The following ZNF207 variants were observed in gnomAD, a reference collection of about 807,000 sequenced individuals.
The protein encoded by ZNF207 is zinc finger protein 207, also known as BUB3-interacting and GLEBS motif-containing protein ZNF207.
In ZNF207, 24 loss-of-function variants were observed where a neutral mutation model predicts 60.2. The observed-to-expected ratio is 0.40, with a 90% CI of 0.29 to 0.56. ZNF207 has a LOEUF of 0.56. Among genes scored for constraint, ZNF207 ranks in the 20% least tolerant of loss-of-function variants. The probability of loss-of-function intolerance (pLI) is 0.49; values close to 1 mark genes in which losing one functional copy is unlikely to be tolerated. For missense variants in ZNF207, 452 were observed against 636.6 expected, an observed-to-expected ratio of 0.71 and a Z score of 3.12; for synonymous variants, 236 against 194.7, an observed-to-expected ratio of 1.21 and a Z score of -1.77.
intron 2 of ZNF207, among the ~76,000 whole-genome samples, chr17:32,355,426 A>C (rs1048111355): frequency 6.6e-6 from 1 of 152,174 alleles, no homozygotes; most frequent in Non-Finnish European, 1.5e-5. Context: ...GAGATGTGAA[A>C]AGCTACAGGG....
In ZNF207 at chr17:32,363,529, C is replaced by CTTTTTTTTTTT. The variant is rs746944466; in HGVS notation, c.670+563_670+573dup. The stretch of plus-strand genomic sequence containing the variant: ...ACAAGTAATAGAGAAATCCAACAAA[C>CTTTTTTTTTTT]TTTTTTTTTTTTTTTTTTTTTTTTT... On this transcript the variant is annotated intron_variant, in intron 7 of 11. Coordinates refer to ENST00000394670, the MANE Select transcript of ZNF207 (RefSeq NM_001098507.2). Among the ~76,000 whole-genome samples, 634 of 69,610 alleles carry CTTTTTTTTTTT rather than the reference C, an allele frequency of 9.1e-3. 140 individuals are homozygous for CTTTTTTTTTTT. The highest frequency in any genetic ancestry group is 0.014 in the Middle Eastern group (1 of 74). 45.7% of individuals were successfully genotyped at this position (69,610 alleles called of 152,430 possible).
At chr17:32,360,327 A>C (rs1359927375) in intron 3 of ZNF207, among the ~76,000 whole-genome samples, 1 of 152,126 alleles carries the variant, frequency 6.6e-6, no homozygotes, top group African/African-American at 2.4e-5. Flanking sequence ...TACAGCCTGC[A>C]TCGCAGAGCA....
In ZNF207 at chr17:32,376,232, T is replaced by C. The variant is rs1160089281; in HGVS notation, c.*6473T>C. The C allele has an allele frequency of 1.3e-5, 2 of 152,056 alleles. No individual in the cohort carries two copies. Among genetic ancestry groups the C allele is most frequent in the Admixed American group, 6.6e-5 (1 of 15,260 alleles). The allele number at this position is 152,056 out of a possible 1,614,324, so 9.4% of individuals were successfully genotyped here. A position where few individuals can be genotyped will look rare whatever the true frequency, so the allele number is the denominator to read the frequency against. Reference sequence around the variant, plus strand: ...TTCAGTTTGCGCTTCCCAATAACTTTAAATATATCCACCTTTTCCAAGTGT... The same window carrying C: ...TTCAGTTTGCGCTTCCCAATAACTTCAAATATATCCACCTTTTCCAAGTGT... On this transcript the variant is annotated 3_prime_UTR_variant, in exon 12 of 12. Transcript: ENST00000394670.
intron 3 of ZNF207, among the ~76,000 whole-genome samples, chr17:32,359,277 T>C (rs1315741261): frequency 2.6e-5 from 4 of 151,954 alleles, no homozygotes; most frequent in African/African-American, 9.7e-5. Context: ...CACACCTGGC[T>C]AATTTTTGTG....
At position 32,374,877 on chromosome 17, in the gene ZNF207, C is replaced by A. The variant is rs1355680404; in HGVS notation, c.*5118C>A. ...TTCAGCCTCACTGAACAGTGTTTTACGCACATGTGAAAAGTATCCACATTT... is the reference window on the plus strand; with the variant it reads ...TTCAGCCTCACTGAACAGTGTTTTAAGCACATGTGAAAAGTATCCACATTT... On this transcript the variant is annotated 3_prime_UTR_variant, in exon 12 of 12. Transcript: ENST00000394670. 3.3e-5 allele frequency: 5 copies of A among 152,300 alleles called. No homozygotes were observed. The East Asian group carries it at 9.6e-4, about 29-fold the overall frequency. 9.4% of individuals were successfully genotyped at this position (152,300 alleles called of 1,614,324 possible).
At chr17:32,355,338 G>C (rs958918056) in intron 2 of ZNF207, among the ~76,000 whole-genome samples, 10 of 152,184 alleles carry the variant, frequency 6.6e-5, no homozygotes, top group Admixed American at 3.3e-4. Flanking sequence ...GCAGTGAGCC[G>C]TGATAGCACT....
intron 2 of ZNF207, among the ~76,000 whole-genome samples, chr17:32,357,319 T>C (rs1485220379): frequency 1.7e-3 from 104 of 60,106 alleles, no homozygotes; most frequent in African/African-American, 0.011. Context: ...CTAATTATTA[T>C]TATTATTATT....
At chr17:32,351,976 CTTTT>C in intron 2 of ZNF207, 64 bp downstream of exon 2, 3 of 1,447,808 alleles carry the variant, frequency 2.1e-6, no homozygotes, top group Non-Finnish European at 2.8e-6. Flanking sequence ...AAAGAATAAT[CTTTT>C]TTATTTTTTT....
Position 32,351,556 on chromosome 17 carries a change from T to C in ZNF207, c.42-230T>C, listed in dbSNP as rs909474813. On this transcript the variant is annotated intron_variant, in intron 1 of 11. Coordinates refer to ENST00000394670, the MANE Select transcript of ZNF207 (RefSeq NM_001098507.2). ...ATTTGACAAAGTATATTGCTGATTA[T>C]TGAGATGTGTTTTTTGGGGTGGTGA... is the stretch of plus-strand genomic sequence containing the variant. 1.1e-4 allele frequency: 161 copies of C among 1,531,616 alleles called. No homozygotes were observed. The African/African-American group carries it at 1.8e-3, about 18-fold the overall frequency. The allele number at this position is 1,531,616 out of a possible 1,614,324, so 94.9% of individuals were successfully genotyped here. A position where few individuals can be genotyped will look rare whatever the true frequency, so the allele number is the denominator to read the frequency against.
chr17:32,367,241 A>C (rs533649503), intron 9 of ZNF207, among the ~76,000 whole-genome samples: 2 of 41,576 alleles, frequency 4.8e-5, no homozygotes, highest in African/African-American at 3.7e-4. Context: ...GGAGGGGATT[A>C]TATATATATA....
chr17:32,366,658 G>A lies in ZNF207; in HGVS notation c.829-7G>A. 4 of 1,589,744 alleles carry A rather than the reference G, an allele frequency of 2.5e-6. No homozygotes were observed. The highest frequency in any genetic ancestry group is 3.4e-6 in the Non-Finnish European group (4 of 1,171,768). On this transcript the variant is annotated splice_region_variant and splice_polypyrimidine_tract_variant and intron_variant, in intron 8 of 11. Coordinates refer to ENST00000394670, the MANE Select transcript of ZNF207 (RefSeq NM_001098507.2). ...CTTTTCATTGTTTCCTTTCTTTTAT[G>A]CTACAGATGGGGACACCTGTCACAA... is the stretch of plus-strand genomic sequence containing the variant.
At position 32,381,600 on chromosome 17, in the gene ZNF207, A is replaced by G. The variant is rs1267178515; in HGVS notation, c.*11841A>G. On this transcript the variant is annotated 3_prime_UTR_variant, in exon 12 of 12. Transcript: ENST00000394670. ...GATGTTCCTTAACATGTAGCCATGT[A>G]ATTAGAACTCACAAGGGGCATTGAA... 2 of 152,230 alleles carry G rather than the reference A, an allele frequency of 1.3e-5. No individual in the cohort carries two copies. Among genetic ancestry groups the G allele is most frequent in the Non-Finnish European group, 2.9e-5 (2 of 68,040 alleles). The allele number at this position is 152,230 out of a possible 1,614,324, so 9.4% of individuals were successfully genotyped here. A position where few individuals can be genotyped will look rare whatever the true frequency, so the allele number is the denominator to read the frequency against.
intron 1 of ZNF207, chr17:32,350,763 T>C (rs1170270973): frequency 6.3e-6 from 1 of 157,878 alleles, no homozygotes; most frequent in African/African-American, 2.4e-5. Context: ...TTATTTACTT[T>C]ATGTGTGTTT....
chr17:32,360,402 A>G (rs1904802890), intron 3 of ZNF207, among the ~76,000 whole-genome samples, 196 bp from the exon 4 acceptor site: 1 of 152,186 alleles, frequency 6.6e-6, no homozygotes, highest in African/African-American at 2.4e-5. Flanking sequence ...CTTTCATAGG[A>G]CAGGGAAAGA....
At chr17:32,367,388 G>C (rs1263940432) in intron 9 of ZNF207, among the ~76,000 whole-genome samples, 2 of 146,882 alleles carry the variant, frequency 1.4e-5, no homozygotes, top group African/African-American at 5.0e-5. Flanking sequence ...TTTTTTTTTA[G>C]CTGTTTGATA....
rs1452517088 is a variant in ZNF207, at chr17:32,373,582, C to T, written c.*3823C>T. On this transcript the variant is annotated 3_prime_UTR_variant, in exon 12 of 12. Coordinates refer to ENST00000394670, the MANE Select transcript of ZNF207 (RefSeq NM_001098507.2). ...TTTAATTAAACTTAGGATTTTTATACTCTTTTGGCAGAGAAGGCTCTATAT... is the reference window on the plus strand; with the variant it reads ...TTTAATTAAACTTAGGATTTTTATATTCTTTTGGCAGAGAAGGCTCTATAT... 1.4e-5 allele frequency: 6 copies of T among 421,288 alleles called. No homozygotes were observed. Among genetic ancestry groups the T allele is most frequent in the African/African-American group, 2.0e-5 (1 of 49,524 alleles). The allele number at this position is 421,288 out of a possible 1,614,324, so 26.1% of individuals were successfully genotyped here.
At chr17:32,353,448 C>T (rs138279634) in intron 2 of ZNF207, among the ~76,000 whole-genome samples, 1 of 151,896 alleles carries the variant, frequency 6.6e-6, no homozygotes, top group Non-Finnish European at 1.5e-5. Context: ...TTATATAGAT[C>T]CTTTTCACTC....
intron 2 of ZNF207, among the ~76,000 whole-genome samples, chr17:32,357,342 A>T (rs866992833): frequency 0.042 from 2,671 of 64,152 alleles, 113 homozygotes; most frequent in African/African-American, 0.14. Flanking sequence ...TATTATTATT[A>T]TTATTATTAT....
intron 2 of ZNF207, 144 bp downstream of exon 2, chr17:32,352,056 C>G (rs2041517795): frequency 1.4e-6 from 1 of 733,474 alleles, no homozygotes; most frequent in Non-Finnish European, 2.0e-6. Flanking sequence ...CAACCTCTGC[C>G]TCTCGGGTTC....
Sources: gnomAD v4.1 joint callset for allele counts (sites outside exome capture counted in the v4.1 genomes callset) on GRCh38, gnomAD v4.1.1 for gene constraint, MANE v1.5 for transcripts, NCBI Gene and HGNC (gene_info 2026-07-23, HGNC 2026-07-21) for gene names.